Variants in FER observed in about 807,000 individuals in gnomAD.
The protein encoded by FER is tyrosine-protein kinase Fer.
In FER, 63 loss-of-function variants were observed where a neutral mutation model predicts 111.0. The observed-to-expected ratio is 0.57, with a 90% CI of 0.46 to 0.70. The LOEUF is 0.70. FER is among the 30% of genes least tolerant of loss of function. FER has a pLI of 0.00. For synonymous variants in FER, 327 were observed against 313.9 expected (o/e 1.04, Z -0.44); for missense variants, 914 against 954.0 (o/e 0.96, Z 0.55).
chr5:109,186,354 T>C, intron 19 of FER, 32 bp downstream of exon 19: 1 of 1,613,996 alleles, frequency 6.2e-7, no homozygotes, highest in Non-Finnish European at 8.5e-7. Context: ...TTAGTGTTCA[T>C]GTCCAGCCCC....
intron 19 of FER, among the ~76,000 whole-genome samples, chr5:109,187,212 A>T (rs1199209781): frequency 1.3e-5 from 2 of 152,228 alleles, no homozygotes; most frequent in Non-Finnish European, 2.9e-5. Flanking sequence ...AGAAATGAAC[A>T]AATAAAAAAT....
chr5:109,044,832 A>T lies in FER; in HGVS notation c.1829+37A>T, dbSNP rs1356437138. ...AAAGTAATCAAAATATGTATTTATT[A>T]TGTAAATTATTTATTAAAATGTAAG... On this transcript the variant is annotated intron_variant, in intron 15 of 19. Transcript: ENST00000281092. 4.9e-6 allele frequency: 5 copies of T among 1,016,282 alleles called. No individual in the cohort carries two copies. In the Admixed American group the frequency reaches 1.2e-4, roughly 25 times the overall value. 63.0% of individuals were successfully genotyped at this position (1,016,282 alleles called of 1,614,324 possible). A position where few individuals can be genotyped will look rare whatever the true frequency, so the allele number is the denominator to read the frequency against.
At chr5:109,033,391 T>A (rs1201870701) in intron 13 of FER, among the ~76,000 whole-genome samples, 1 of 152,090 alleles carries the variant, frequency 6.6e-6, no homozygotes, top group Non-Finnish European at 1.5e-5. Flanking sequence ...ATCTTCTGAG[T>A]GTGACTTTTC....
chr5:109,158,433 A>G (rs1191943446), intron 17 of FER, among the ~76,000 whole-genome samples: 1 of 152,070 alleles, frequency 6.6e-6, no homozygotes, highest in African/African-American at 2.4e-5. Context: ...ATTAGTCTAT[A>G]TTTTATATAA....
chr5:109,156,280 A>G (rs116196974), intron 17 of FER, among the ~76,000 whole-genome samples: 4 of 152,048 alleles, frequency 2.6e-5, no homozygotes, highest in Admixed American at 6.6e-5. Context: ...CCTTAAGTTC[A>G]TAAGGTGGAC....
intron 16 of FER, among the ~76,000 whole-genome samples, chr5:109,078,179 A>G (rs901154712): frequency 3.9e-5 from 6 of 152,146 alleles, no homozygotes; most frequent in Admixed American, 2.0e-4. Context: ...AATGAAAGAC[A>G]TATGTGCCAC....
At chr5:108,879,014 A>G (rs915088523) in intron 8 of FER, among the ~76,000 whole-genome samples, 1 of 152,166 alleles carries the variant, frequency 6.6e-6, no homozygotes, top group African/African-American at 2.4e-5. Context: ...AGTTCTTCAT[A>G]TGTAAATGGG....
Position 109,187,024 on chromosome 5 carries a change from T to C in FER, c.2327-409T>C, listed in dbSNP as rs74746599. Among the ~76,000 whole-genome samples, 75 of 152,104 alleles carry C rather than the reference T, an allele frequency of 4.9e-4. 2 individuals carry two copies. The East Asian group carries it at 0.014, about 27-fold the overall frequency. ...ACTCATATTCATTTTTATTTCCCTA[T>C]TGAATTCACATTTATAAAATCCTCA... On this transcript the variant is annotated intron_variant, in intron 19 of 19. Coordinates refer to ENST00000281092, the MANE Select transcript of FER (RefSeq NM_005246.4).
intron 2 of FER, among the ~76,000 whole-genome samples, chr5:108,771,123 A>G (rs1343659503): frequency 6.6e-6 from 1 of 151,744 alleles, no homozygotes; most frequent in Admixed American, 6.6e-5. Flanking sequence ...TTTAGTAGAG[A>G]CAGGGTTTCA....
intron 1 of FER, among the ~76,000 whole-genome samples, chr5:108,752,776 A>T (rs1165806665): frequency 1.3e-5 from 2 of 152,018 alleles, no homozygotes; most frequent in Non-Finnish European, 2.9e-5. Context: ...ATTTAATGTC[A>T]TGCATGTTTG....
At chr5:109,009,635 G>A (rs560388032) in intron 13 of FER, among the ~76,000 whole-genome samples, 37 of 152,184 alleles carry the variant, frequency 2.4e-4, no homozygotes, top group African/African-American at 7.7e-4. Context: ...ACACAATTCC[G>A]TTTGTCCTTG....
At chr5:108,788,671 G>T (rs1302932916) in intron 2 of FER, among the ~76,000 whole-genome samples, 1 of 151,276 alleles carries the variant, frequency 6.6e-6, no homozygotes, top group Non-Finnish European at 1.5e-5. Flanking sequence ...TTTTATCCTT[G>T]ACTCTCTGCT....
At chr5:108,951,624 A>C (rs1303557352) in intron 11 of FER, among the ~76,000 whole-genome samples, 1 of 152,212 alleles carries the variant, frequency 6.6e-6, no homozygotes, top group African/African-American at 2.4e-5. Context: ...TTCATGTTAA[A>C]AATTCAGAAT....
chr5:109,118,803 A>G (rs1214712799), intron 17 of FER, among the ~76,000 whole-genome samples: 1 of 151,950 alleles, frequency 6.6e-6, no homozygotes, highest in African/African-American at 2.4e-5. Flanking sequence ...AGAGGTGTTT[A>G]TAGTATTCTC....
chr5:108,852,438 C>T (rs965143813), intron 5 of FER, among the ~76,000 whole-genome samples: 1 of 152,064 alleles, frequency 6.6e-6, no homozygotes, highest in Non-Finnish European at 1.5e-5. Flanking sequence ...TTGATTTCCT[C>T]AATTTGAGGT....
At chr5:108,878,209 C>CTTTGTA (rs1765293787) in intron 8 of FER, among the ~76,000 whole-genome samples, 1 of 152,042 alleles carries the variant, frequency 6.6e-6, no homozygotes, top group African/African-American at 2.4e-5. Context: ...GCTGGGCTTC[C>CTTTGTA]TTTGTATCGT....
At chr5:108,933,898 G>T (rs1369288637) in intron 10 of FER, among the ~76,000 whole-genome samples, 2 of 151,966 alleles carry the variant, frequency 1.3e-5, no homozygotes. Flanking sequence ...TTATTTGGCT[G>T]TTTGTCTATT....
At chr5:108,937,237 G>A (rs1219704379) in intron 10 of FER, among the ~76,000 whole-genome samples, 12 of 151,966 alleles carry the variant, frequency 7.9e-5, no homozygotes, top group Non-Finnish European at 1.6e-4. Flanking sequence ...TGTATTGTGA[G>A]TGTGTGCTTG....
chr5:108,972,723 T>A (rs1172178762), intron 13 of FER, among the ~76,000 whole-genome samples: 2 of 152,152 alleles, frequency 1.3e-5, no homozygotes, highest in East Asian at 3.9e-4. Context: ...GTGCCCAATA[T>A]AACATTTGAA....
Sources: gnomAD v4.1 joint callset for allele counts (sites outside exome capture counted in the v4.1 genomes callset) on GRCh38, gnomAD v4.1.1 for gene constraint, MANE v1.5 for transcripts, NCBI Gene and HGNC (gene_info 2026-07-23, HGNC 2026-07-21) for gene names.